The following DPP10 variants were observed in gnomAD, a reference collection of about 807,000 sequenced individuals.
The protein encoded by DPP10 is inactive dipeptidyl peptidase 10.
A neutral mutation model predicts 120.9 loss-of-function variants in DPP10; 33 were observed. The ratio of observed to expected loss-of-function variants is 0.27; its 90% CI spans 0.21 to 0.37. DPP10 has a LOEUF of 0.37. Ranked by LOEUF, DPP10 falls within the 10% of genes least tolerant of loss-of-function variation. The pLI, the probability that DPP10 is intolerant of heterozygous loss-of-function variation, is 1.00. For synonymous variants in DPP10, 337 were observed against 326.1 expected, an observed-to-expected ratio of 1.03 and a Z score of -0.36; for missense variants, 816 against 942.8, an observed-to-expected ratio of 0.87 and a Z score of 1.76.
intron 1 of DPP10, among the ~76,000 whole-genome samples, chr2:115,170,745 G>C (rs2053257445): frequency 6.6e-6 from 1 of 152,108 alleles, no homozygotes; most frequent in Non-Finnish European, 1.5e-5. Flanking sequence ...GACACCCATA[G>C]TGAGAGTGAT....
At chr2:114,523,904 T>C (rs1036556713) in intron 1 of DPP10, among the ~76,000 whole-genome samples, 3 of 152,152 alleles carry the variant, frequency 2.0e-5, no homozygotes, top group Admixed American at 2.0e-4. Flanking sequence ...GAACAGGAAG[T>C]GACAAACATA....
At chr2:115,380,781 G>T (rs989251172) in intron 3 of DPP10, among the ~76,000 whole-genome samples, 3 of 152,034 alleles carry the variant, frequency 2.0e-5, no homozygotes, top group Non-Finnish European at 2.9e-5. Context: ...TTGCTTGTCC[G>T]CAAAGTATTT....
At chr2:114,794,070 C>T (rs1683476685) in intron 1 of DPP10, among the ~76,000 whole-genome samples, 1 of 151,968 alleles carries the variant, frequency 6.6e-6, no homozygotes, top group Admixed American at 6.6e-5. Context: ...TTGAGCATGA[C>T]TTTTTTTTAC....
chr2:115,056,040 T>G (rs1705878407), intron 1 of DPP10, among the ~76,000 whole-genome samples: 1 of 152,222 alleles, frequency 6.6e-6, no homozygotes, highest in Non-Finnish European at 1.5e-5. Flanking sequence ...GCTTAATAAA[T>G]AATATATTGC....
intron 1 of DPP10, among the ~76,000 whole-genome samples, chr2:115,302,554 C>T (rs996310466): frequency 5.9e-5 from 9 of 151,694 alleles, no homozygotes; most frequent in African/African-American, 2.2e-4. Flanking sequence ...GAGGTTGATA[C>T]TACAGTGAGC....
chr2:115,774,111 A>G (rs372398764), intron 13 of DPP10, among the ~76,000 whole-genome samples: 2 of 152,020 alleles, frequency 1.3e-5, no homozygotes, highest in East Asian at 1.9e-4. Flanking sequence ...TAAATCATAT[A>G]TAATATTTTT....
intron 3 of DPP10, among the ~76,000 whole-genome samples, chr2:115,423,444 A>T (rs1193098281): frequency 6.6e-6 from 1 of 152,180 alleles, no homozygotes; most frequent in African/African-American, 2.4e-5. Context: ...GCCATGTTTT[A>T]TATGATATGT....
chr2:115,538,313 A>T (rs978039193), intron 5 of DPP10, among the ~76,000 whole-genome samples: 1 of 152,018 alleles, frequency 6.6e-6, no homozygotes, highest in African/African-American at 2.4e-5. Context: ...ATATCCAGAG[A>T]ACTGTGATTA....
intron 8 of DPP10, among the ~76,000 whole-genome samples, chr2:115,731,112 C>T (rs1440284273): frequency 6.6e-6 from 1 of 152,096 alleles, no homozygotes; most frequent in Non-Finnish European, 1.5e-5. Flanking sequence ...GTAATCCCAG[C>T]ATTTTGGGAG....
chr2:115,817,901 G>C (rs1188474652), intron 21 of DPP10, among the ~76,000 whole-genome samples: 1 of 152,100 alleles, frequency 6.6e-6, no homozygotes, highest in African/African-American at 2.4e-5. Context: ...TGAAAAAAAA[G>C]AGTGAAATGG....
At chr2:114,547,441 A>C (rs925760163) in intron 1 of DPP10, among the ~76,000 whole-genome samples, 1 of 152,168 alleles carries the variant, frequency 6.6e-6, no homozygotes, top group African/African-American at 2.4e-5. Context: ...AGACCACAGA[A>C]GAAAAGAAAT....
At chr2:115,378,345 C>T (rs368568998) in intron 3 of DPP10, among the ~76,000 whole-genome samples, 2 of 118,036 alleles carry the variant, frequency 1.7e-5, no homozygotes, top group East Asian at 4.5e-4. Flanking sequence ...CATGATTTGG[C>T]TCTCTGTTTG....
chr2:115,432,889 CAGT>C (rs558939726), intron 3 of DPP10, among the ~76,000 whole-genome samples: 36 of 152,114 alleles, frequency 2.4e-4, no homozygotes, highest in African/African-American at 8.4e-4. Flanking sequence ...TCCAAAATGT[CAGT>C]AGTGCCAAGA....
chr2:115,547,159 C>T (rs559145115), intron 5 of DPP10, among the ~76,000 whole-genome samples: 1 of 152,218 alleles, frequency 6.6e-6, no homozygotes, highest in African/African-American at 2.4e-5. Flanking sequence ...GGGCTCTAAG[C>T]AAGACATGAA....
At chr2:115,400,582 CT>C (rs1008096402) in intron 3 of DPP10, among the ~76,000 whole-genome samples, 13 of 152,048 alleles carry the variant, frequency 8.5e-5, no homozygotes, top group Admixed American at 2.0e-4. Flanking sequence ...TGCTTCCTGA[CT>C]TACGATAGGA....
intron 1 of DPP10, among the ~76,000 whole-genome samples, chr2:114,537,869 A>T (rs1037278167): frequency 2.7e-4 from 41 of 152,214 alleles, no homozygotes; most frequent in Non-Finnish European, 4.9e-4. Context: ...CTGCATGAAC[A>T]CAGAAATGCC....
intron 1 of DPP10, among the ~76,000 whole-genome samples, chr2:115,242,474 T>A (rs1323318157): frequency 6.6e-6 from 1 of 152,216 alleles, no homozygotes; most frequent in African/African-American, 2.4e-5. Context: ...TAAGCATGCG[T>A]GTGCAAGTAT....
At chr2:115,761,554 A>G (rs1161345812) in intron 11 of DPP10, among the ~76,000 whole-genome samples, 2 of 152,144 alleles carry the variant, frequency 1.3e-5, no homozygotes, top group Non-Finnish European at 2.9e-5. Flanking sequence ...TGGTGGTACT[A>G]ACAAGCAGTG....
intron 1 of DPP10, among the ~76,000 whole-genome samples, chr2:115,142,620 G>C (rs759413982): frequency 3.3e-5 from 5 of 152,204 alleles, no homozygotes; most frequent in African/African-American, 7.2e-5. Flanking sequence ...CTCAAAGAAA[G>C]AGAGGGAAGC....
Sources: gnomAD v4.1 joint callset for allele counts (sites outside exome capture counted in the v4.1 genomes callset) on GRCh38, gnomAD v4.1.1 for gene constraint, MANE v1.5 for transcripts, NCBI Gene and HGNC (gene_info 2026-07-23, HGNC 2026-07-21) for gene names.